The following MAML3 variants were observed in gnomAD, a reference collection of about 807,000 sequenced individuals.
MAML3 encodes mastermind like transcriptional coactivator 3, also known as mastermind-like protein 3.
In MAML3, 27 loss-of-function variants were observed where a neutral mutation model predicts 101.9. The observed-to-expected ratio is 0.27, with a 90% CI of 0.20 to 0.37. MAML3 has a LOEUF of 0.37. Ranked by LOEUF, MAML3 falls within the 10% of genes least tolerant of loss-of-function variation. MAML3 has a pLI of 1.00. For missense variants in MAML3, 1,316 were observed against 1,444.9 expected (o/e 0.91, Z 1.45); for synonymous variants, 501 against 555.9 (o/e 0.90, Z 1.39).
At chr4:139,733,021 GC>G (rs1728786480) in intron 2 of MAML3, among the ~76,000 whole-genome samples, 1 of 152,166 alleles carries the variant, frequency 6.6e-6, no homozygotes, top group African/African-American at 2.4e-5. Flanking sequence ...CCTTGCAGGG[GC>G]CTAGATATTT....
intron 2 of MAML3, among the ~76,000 whole-genome samples, chr4:139,817,401 A>C (rs560249873): frequency 6.6e-6 from 1 of 152,244 alleles, no homozygotes; most frequent in African/African-American, 2.4e-5. Flanking sequence ...AATCCATATG[A>C]TCCAAATGAA....
chr4:140,149,174 C>G (rs754085805), intron 1 of MAML3, among the ~76,000 whole-genome samples: 2 of 152,200 alleles, frequency 1.3e-5, no homozygotes, highest in Non-Finnish European at 2.9e-5. Flanking sequence ...AACTGAGGCT[C>G]TCTGATAGGT....
chr4:139,771,977 C>T lies in MAML3; in HGVS notation c.2080-41310G>A, dbSNP rs563572668. Among the ~76,000 whole-genome samples, 762 of 149,856 alleles carry T rather than the reference C, an allele frequency of 5.1e-3. 5 individuals are homozygous for T. Among genetic ancestry groups the T allele is most frequent in the African/African-American group, 0.016 (671 of 40,822 alleles). The stretch of plus-strand genomic sequence containing the variant: ...AAAAAAGTCCGGGCGCGGTGGCTCA[C>T]GCCTGTAATCCCAGCACTTTGGGAG... On this transcript the variant is annotated intron_variant, in intron 2 of 4. Transcript: ENST00000509479.
At chr4:139,753,684 G>A (rs1191901472) in intron 2 of MAML3, among the ~76,000 whole-genome samples, 1 of 152,186 alleles carries the variant, frequency 6.6e-6, no homozygotes, top group East Asian at 1.9e-4. Flanking sequence ...GAATTAATAA[G>A]TTTACAAGGC....
At chr4:139,946,472 G>A (rs1023638199) in intron 1 of MAML3, among the ~76,000 whole-genome samples, 2 of 152,074 alleles carry the variant, frequency 1.3e-5, no homozygotes, top group African/African-American at 2.4e-5. Context: ...AAGCACACAG[G>A]TATGTACAAA....
intron 1 of MAML3, among the ~76,000 whole-genome samples, chr4:140,140,010 A>T (rs1400871614): frequency 1.3e-5 from 2 of 152,248 alleles, no homozygotes; most frequent in African/African-American, 4.8e-5. Context: ...TTGCATGACC[A>T]GAGCAGCACC....
At chr4:139,860,319 TGAGA>T (rs1467971399) in intron 2 of MAML3, among the ~76,000 whole-genome samples, 1 of 152,218 alleles carries the variant, frequency 6.6e-6, no homozygotes, top group Non-Finnish European at 1.5e-5. Flanking sequence ...AGAAAGCCCT[TGAGA>T]GAGGGGCTTC....
intron 4 of MAML3, among the ~76,000 whole-genome samples, chr4:139,724,990 C>T (rs1728407105): frequency 6.6e-6 from 1 of 152,132 alleles, no homozygotes; most frequent in Admixed American, 6.5e-5. Flanking sequence ...AACTCCTGGC[C>T]TCAAGTGATC....
intron 1 of MAML3, among the ~76,000 whole-genome samples, chr4:139,954,254 AC>A (rs1356774133): frequency 1.3e-5 from 2 of 151,990 alleles, no homozygotes; most frequent in Admixed American, 6.6e-5. Flanking sequence ...AAATGGCTGA[AC>A]CCCCTGCAAA....
intron 1 of MAML3, among the ~76,000 whole-genome samples, chr4:140,039,736 A>G (rs949073805): frequency 6.6e-6 from 1 of 152,196 alleles, no homozygotes; most frequent in African/African-American, 2.4e-5. Flanking sequence ...ATTGTCCCAG[A>G]GTTAATACGC....
intron 1 of MAML3, among the ~76,000 whole-genome samples, chr4:140,057,167 T>C (rs906892985): frequency 2.0e-5 from 3 of 152,184 alleles, no homozygotes; most frequent in African/African-American, 7.2e-5. Flanking sequence ...TCCCAGCTAT[T>C]TGGGCGGTTA....
Position 139,812,516 on chromosome 4 carries a change from G to A in MAML3, c.2079+76841C>T, listed in dbSNP as rs1267524766. On this transcript the variant is annotated intron_variant, in intron 2 of 4. Coordinates refer to ENST00000509479, the MANE Select transcript of MAML3 (RefSeq NM_018717.5). ...CACAAGGACACAAAGCGCAGTTGAA[G>A]TTGGGAGTGCTGTAATAGAAATGGG... Among the ~76,000 whole-genome samples the A allele has an allele frequency of 2.0e-5, 3 of 152,218 alleles. No individual in the cohort carries two copies. In the East Asian group the frequency reaches 5.8e-4, roughly 29 times the overall value.
At chr4:140,090,924 C>T (rs941978042) in intron 1 of MAML3, among the ~76,000 whole-genome samples, 7 of 152,128 alleles carry the variant, frequency 4.6e-5, no homozygotes, top group Admixed American at 3.9e-4. Context: ...GTGGCAAGTG[C>T]GTGTAATTTC....
chr4:139,784,773 A>T (rs540591069), intron 2 of MAML3, among the ~76,000 whole-genome samples: 1 of 152,318 alleles, frequency 6.6e-6, no homozygotes, highest in Admixed American at 6.5e-5. Flanking sequence ...CCAAGTCTGC[A>T]GCCCCTGCCC....
At chr4:140,074,152 AAGAG>A (rs1407568689) in intron 1 of MAML3, among the ~76,000 whole-genome samples, 1 of 135,894 alleles carries the variant, frequency 7.4e-6, no homozygotes, top group Admixed American at 8.0e-5. Context: ...GAAAGAAAGA[AAGAG>A]AGAGAGAAAG....
At chr4:139,778,264 T>G (rs1184499156) in intron 2 of MAML3, among the ~76,000 whole-genome samples, 1 of 152,218 alleles carries the variant, frequency 6.6e-6, no homozygotes, top group Non-Finnish European at 1.5e-5. Context: ...TATACCACCA[T>G]GGACTAGATG....
chr4:139,821,288 A>C (rs1419525461), intron 2 of MAML3, among the ~76,000 whole-genome samples: 2 of 152,162 alleles, frequency 1.3e-5, no homozygotes, highest in East Asian at 3.9e-4. Flanking sequence ...GCACAGTAGG[A>C]GGTGAGTGGC....
intron 1 of MAML3, among the ~76,000 whole-genome samples, chr4:139,919,362 C>G (rs979321828): frequency 6.6e-6 from 1 of 152,158 alleles, no homozygotes; most frequent in Non-Finnish European, 1.5e-5. Context: ...TTCACTTTTT[C>G]TTTTTATCTC....
chr4:140,141,194 G>C (rs1206428126), intron 1 of MAML3, among the ~76,000 whole-genome samples: 8 of 151,788 alleles, frequency 5.3e-5, no homozygotes, highest in Non-Finnish European at 1.0e-4. Flanking sequence ...ATGCCAAAGG[G>C]AAAGCAAAAT....
Sources: gnomAD v4.1 joint callset for allele counts (sites outside exome capture counted in the v4.1 genomes callset) on GRCh38, gnomAD v4.1.1 for gene constraint, MANE v1.5 for transcripts, NCBI Gene and HGNC (gene_info 2026-07-23, HGNC 2026-07-21) for gene names.